The following IRAK1BP1 variants were observed in gnomAD, a reference collection of about 807,000 sequenced individuals.
IRAK1BP1 encodes the protein interleukin 1 receptor associated kinase 1 binding protein 1.
In IRAK1BP1, 24 loss-of-function variants were observed where a neutral mutation model predicts 28.0. The observed-to-expected ratio is 0.86, with a 90% CI of 0.62 to 1.20. IRAK1BP1 has a LOEUF of 1.20. Ranked by LOEUF, IRAK1BP1 falls within the 50% of genes most tolerant of loss-of-function variation. IRAK1BP1 has a pLI of 0.00. For synonymous variants in IRAK1BP1, 131 were observed against 116.3 expected (o/e 1.13, Z -0.81); for missense variants, 336 against 316.7 (o/e 1.06, Z -0.46).
chr6:78,978,522 T>A, the IRAK1BP1 span: 1 of 1,281,854 alleles, frequency 7.8e-7, no homozygotes, highest in Non-Finnish European at 1.1e-6. Context: ...CAGAAGTCTA[T>A]TTCAAGAGCT....
chr6:78,867,934 A>G (rs1372628159), intron 1 of IRAK1BP1, 43 bp downstream of exon 1: 1 of 1,495,862 alleles, frequency 6.7e-7, no homozygotes, highest in Middle Eastern at 1.8e-4. Context: ...GGAAGACACA[A>G]AAGGGTTGGC....
chr6:78,938,464 T>C (rs904651547), intron 4 of IRAK1BP1: 1 of 151,730 alleles, frequency 6.6e-6, no homozygotes. Context: ...ATTGATTTTA[T>C]AGCCTATTAT....
At chr6:78,955,124 T>A in the IRAK1BP1 span, 607 of 896,352 alleles carry the variant, frequency 6.8e-4, 7 homozygotes, top group South Asian at 5.7e-3. Flanking sequence ...TGAAACTAAT[T>A]TGAAATACTT....
At chr6:78,869,664 A>G (rs1248519730) in intron 1 of IRAK1BP1, among the ~76,000 whole-genome samples, 3 of 152,226 alleles carry the variant, frequency 2.0e-5, no homozygotes, top group Non-Finnish European at 2.9e-5. Context: ...TTCAGGAGAT[A>G]ATACAAAATA....
At position 78,899,147 on chromosome 6, in the gene IRAK1BP1, A is replaced by G. The variant is rs1008915956; in HGVS notation, c.*813A>G. ...GAGCTTGGAGGGTTCACTGCTTTTT[A>G]TCCATGAACAGAAGCAAACCTGCTC... is the stretch of plus-strand genomic sequence containing the variant. On this transcript the variant is annotated 3_prime_UTR_variant, in exon 4 of 4. Transcript: ENST00000369940. The G allele has an allele frequency of 6.6e-6, 1 of 152,188 alleles. No homozygotes were observed. Among genetic ancestry groups the G allele is most frequent in the African/African-American group, 2.4e-5 (1 of 41,446 alleles). 9.4% of individuals were successfully genotyped at this position (152,188 alleles called of 1,614,324 possible). A position where few individuals can be genotyped will look rare whatever the true frequency, so the allele number is the denominator to read the frequency against.
the IRAK1BP1 span, among the ~76,000 whole-genome samples, chr6:78,976,008 G>A: frequency 6.6e-6 from 1 of 151,774 alleles, no homozygotes; most frequent in Non-Finnish European, 1.5e-5. Flanking sequence ...TTTCTTCACA[G>A]AATTGGAAAA....
chr6:78,909,709 CT>C (rs1341525834), intron 4 of IRAK1BP1, among the ~76,000 whole-genome samples: 3 of 152,174 alleles, frequency 2.0e-5, no homozygotes, highest in Non-Finnish European at 4.4e-5. Flanking sequence ...CTATGAATTA[CT>C]TTAAGACACA....
downstream of IRAK1BP1, among the ~76,000 whole-genome samples, chr6:78,905,532 G>A (rs989927943): frequency 6.6e-6 from 1 of 152,200 alleles, no homozygotes; most frequent in Non-Finnish European, 1.5e-5. Context: ...TGGCATGATA[G>A]GGCCTATAAT....
At chr6:78,970,121 G>A in the IRAK1BP1 span, 1 of 1,612,040 alleles carries the variant, frequency 6.2e-7, no homozygotes, top group Non-Finnish European at 8.5e-7. Context: ...GCAGCAAAGG[G>A]TAGGTAATCC....
At chr6:78,890,666 C>A (rs751347188) in intron 2 of IRAK1BP1, among the ~76,000 whole-genome samples, 8 of 152,140 alleles carry the variant, frequency 5.3e-5, no homozygotes, top group African/African-American at 1.4e-4. Flanking sequence ...GGTCAGAAAT[C>A]TGAACAGCAA....
chr6:78,910,027 C>T (rs576490228), intron 4 of IRAK1BP1, among the ~76,000 whole-genome samples: 41 of 152,286 alleles, frequency 2.7e-4, no homozygotes, highest in Admixed American at 2.2e-3. Flanking sequence ...CACAAGGAGT[C>T]TGAAAGGCAG....
chr6:78,943,792 G>A (rs1773639979), intron 4 of IRAK1BP1, among the ~76,000 whole-genome samples: 1 of 151,984 alleles, frequency 6.6e-6, no homozygotes. Context: ...TTTGAGACCA[G>A]CCTGGTCAAA....
At position 78,870,109 on chromosome 6, in the gene IRAK1BP1, CAAAAAAA is replaced by C. The variant is rs70977749; in HGVS notation, c.315+2243_315+2249del. Among the ~76,000 whole-genome samples, 25 of 41,560 alleles carry C rather than the reference CAAAAAAA, an allele frequency of 6.0e-4. No homozygotes were observed. The South Asian group carries it at 6.8e-3, about 11-fold the overall frequency. 27.3% of individuals were successfully genotyped at this position (41,560 alleles called of 152,430 possible). A position where few individuals can be genotyped will look rare whatever the true frequency, so the allele number is the denominator to read the frequency against. On this transcript the variant is annotated intron_variant, in intron 1 of 3. Coordinates refer to ENST00000369940, the MANE Select transcript of IRAK1BP1 (RefSeq NM_001010844.4). Reference sequence around the variant, plus strand: ...GGGCAACAAGAGTGAAACTCCGTCCCAAAAAAAAAAAAAAAAAAAAAAAAAAAAAAAG... The same window carrying C: ...GGGCAACAAGAGTGAAACTCCGTCCCAAAAAAAAAAAAAAAAAAAAAAAAG...
intron 2 of IRAK1BP1, among the ~76,000 whole-genome samples, chr6:78,887,663 C>G (rs1338111296): frequency 1.3e-5 from 2 of 152,048 alleles, no homozygotes; most frequent in Non-Finnish European, 2.9e-5. Flanking sequence ...AAGACTCCAT[C>G]TCACACACAC....
At chr6:78,978,106 T>A in the IRAK1BP1 span, among the ~76,000 whole-genome samples, 1 of 152,082 alleles carries the variant, frequency 6.6e-6, no homozygotes, top group Non-Finnish European at 1.5e-5. Context: ...GGTCTCATCC[T>A]CAGTTTCTTA....
At chr6:78,947,580 C>CT, downstream of IRAK1BP1, 1 of 986,048 alleles carries the variant, frequency 1.0e-6, no homozygotes. Flanking sequence ...ACACACTCCT[C>CT]TAACTTAATC....
At chr6:78,938,804 A>G (rs1773365755) in intron 4 of IRAK1BP1, 1 of 151,698 alleles carries the variant, frequency 6.6e-6, no homozygotes, top group African/African-American at 2.4e-5. Flanking sequence ...TTCACAGGAG[A>G]ATTTCTGTAC....
chr6:78,944,588 A>C (rs2127681036), intron 4 of IRAK1BP1, among the ~76,000 whole-genome samples: 1 of 152,328 alleles, frequency 6.6e-6, no homozygotes, highest in South Asian at 2.1e-4. Context: ...TCAGTTGCTG[A>C]AGAGAAGGCT....
At chr6:78,958,620 G>T in the IRAK1BP1 span, 1 of 1,473,054 alleles carries the variant, frequency 6.8e-7, no homozygotes, top group East Asian at 2.3e-5. Context: ...ACAAAATATA[G>T]AAGTTTTAAC....
Sources: allele counts gnomAD v4.1 joint callset (sites outside exome capture counted in the v4.1 genomes callset), GRCh38; gene constraint gnomAD v4.1.1; transcripts MANE v1.5; gene names NCBI Gene and HGNC (gene_info 2026-07-23, HGNC 2026-07-21).